DCLRE1C: variants seen among roughly 807,000 people sequenced by gnomAD.
DCLRE1C encodes the protein DNA cross-link repair 1C, also known as protein artemis.
In DCLRE1C, 47 loss-of-function variants were observed where a neutral mutation model predicts 61.4. The ratio of observed to expected loss-of-function variants is 0.77; its 90% CI spans 0.61 to 0.98. DCLRE1C has a LOEUF of 0.98. Ranked by LOEUF, DCLRE1C falls within the 50% of genes least tolerant of loss-of-function variation. The pLI, the probability that DCLRE1C is intolerant of heterozygous loss-of-function variation, is 0.00. For missense variants in DCLRE1C, 858 were observed against 816.0 expected, an observed-to-expected ratio of 1.05 and a Z score of -0.63; for synonymous variants, 337 against 287.6, an observed-to-expected ratio of 1.17 and a Z score of -1.74.
At chr10:14,953,072 C>G (rs918382970) in intron 1 of DCLRE1C, among the ~76,000 whole-genome samples, 1 of 152,240 alleles carries the variant, frequency 6.6e-6, no homozygotes, top group African/African-American at 2.4e-5. Flanking sequence ...GGCCACACAG[C>G]AGGAGGCAGC....
chr10:14,909,639 T>C (rs917533614), intron 13 of DCLRE1C, among the ~76,000 whole-genome samples: 1 of 151,948 alleles, frequency 6.6e-6, no homozygotes, highest in African/African-American at 2.4e-5. Context: ...CTGTATCTCA[T>C]TCCAGACCTA....
intron 12 of DCLRE1C, among the ~76,000 whole-genome samples, chr10:14,922,534 C>T (rs1460076779): frequency 6.6e-6 from 1 of 151,970 alleles, no homozygotes; most frequent in African/African-American, 2.4e-5. Context: ...TCCATGAATA[C>T]GATTGCACCT....
intron 1 of DCLRE1C, among the ~76,000 whole-genome samples, chr10:14,953,301 C>T (rs992509293): frequency 6.6e-6 from 1 of 152,170 alleles, no homozygotes; most frequent in Non-Finnish European, 1.5e-5. Flanking sequence ...ACCTTAATCC[C>T]TAAATCGGCC....
downstream of DCLRE1C, chr10:14,899,775 A>G (rs1006084833): frequency 6.3e-6 from 9 of 1,433,942 alleles, no homozygotes; most frequent in Admixed American, 1.8e-4. Context: ...TTTAAACTAC[A>G]TATCCTTTTA....
chr10:14,954,162 G>T (rs1397402426), upstream of DCLRE1C: 1 of 1,367,266 alleles, frequency 7.3e-7, no homozygotes, highest in African/African-American at 1.4e-5. Flanking sequence ...CGGAGACCGG[G>T]GGCAAAGTCA....
chr10:14,946,154 G>A (rs752331649), intron 2 of DCLRE1C, among the ~76,000 whole-genome samples: 2 of 150,254 alleles, frequency 1.3e-5, no homozygotes, highest in Non-Finnish European at 3.0e-5. Flanking sequence ...GACTACATGC[G>A]CACCACCACG....
intron 9 of DCLRE1C, among the ~76,000 whole-genome samples, chr10:14,929,944 G>C (rs1420909491): frequency 6.6e-6 from 1 of 152,168 alleles, no homozygotes; most frequent in African/African-American, 2.4e-5. Flanking sequence ...TAAGCGGCTA[G>C]AAATAGCATC....
chr10:14,900,665 T>G (rs1588861474), downstream of DCLRE1C, among the ~76,000 whole-genome samples: 1 of 152,196 alleles, frequency 6.6e-6, no homozygotes, highest in African/African-American at 2.4e-5. Flanking sequence ...ATTGAAGAGT[T>G]TGGACCAAAA....
At chr10:14,945,365 A>C in intron 2 of DCLRE1C, 176 bp from the exon 3 acceptor site, 4 of 1,356,766 alleles carry the variant, frequency 2.9e-6, no homozygotes, top group Non-Finnish European at 3.8e-6. Context: ...TATGAAATCT[A>C]TTTCATCATA....
chr10:14,932,030 C>G (rs957380826), intron 9 of DCLRE1C, among the ~76,000 whole-genome samples: 1 of 150,896 alleles, frequency 6.6e-6, no homozygotes, highest in Non-Finnish European at 1.5e-5. Context: ...CAAGGCTCGT[C>G]TCAAAAATAA....
rs1352005289 is a variant in DCLRE1C, at chr10:14,906,873, T to C, written c.*1535A>G. ...GACTCACAGAATAACACATATACTT[T>C]AGTTTTTTTTAATTTATTTTTCTTG... On this transcript the variant is annotated 3_prime_UTR_variant, in exon 14 of 14. Transcript: ENST00000378278. 6.6e-6 allele frequency among the ~76,000 whole-genome samples: 1 copy of C among 152,196 alleles called. No homozygotes were observed. The highest frequency in any genetic ancestry group is 2.4e-5 in the African/African-American group (1 of 41,450).
chr10:14,909,745 A>C (rs1200895949), intron 13 of DCLRE1C, among the ~76,000 whole-genome samples: 2 of 152,246 alleles, frequency 1.3e-5, no homozygotes, highest in African/African-American at 4.8e-5. Context: ...TGTGCTCTGC[A>C]AATAGTAGAT....
At chr10:14,931,258 T>C (rs949327772) in intron 9 of DCLRE1C, among the ~76,000 whole-genome samples, 5 of 152,198 alleles carry the variant, frequency 3.3e-5, no homozygotes, top group African/African-American at 9.6e-5. Flanking sequence ...AGGTTCTGTG[T>C]TGGCATTAGA....
chr10:14,939,989 C>A (rs1480342084), intron 3 of DCLRE1C, 120 bp from the exon 4 acceptor site: 9 of 706,136 alleles, frequency 1.3e-5, no homozygotes, highest in African/African-American at 9.0e-5. Flanking sequence ...ATAAACAATT[C>A]CGATTACATT....
chr10:14,929,049 G>A (rs535207238), intron 9 of DCLRE1C, among the ~76,000 whole-genome samples: 1 of 152,242 alleles, frequency 6.6e-6, no homozygotes, highest in African/African-American at 2.4e-5. Flanking sequence ...TAAACTGTTG[G>A]AATTACAGGC....
intron 2 of DCLRE1C, among the ~76,000 whole-genome samples, chr10:14,946,726 T>C (rs996688651): frequency 1.3e-5 from 2 of 151,890 alleles, no homozygotes; most frequent in African/African-American, 4.8e-5. Context: ...CAAGCTATCC[T>C]CCCACATCAG....
chr10:14,919,196 C>T (rs950900944), intron 13 of DCLRE1C, among the ~76,000 whole-genome samples: 14 of 152,156 alleles, frequency 9.2e-5, no homozygotes, highest in African/African-American at 2.9e-4. Context: ...GAGCTTTGCT[C>T]AGAATCTAAC....
Position 14,945,762 on chromosome 10 carries a change from G to A in DCLRE1C, c.162-573C>T, listed in dbSNP as rs186292058. Reference sequence around the variant, plus strand: ...CAAACTCCACTTCCCAGGTTCAAGCGATTCTCCTGCCTCAGCCTCCCGAGT... The same window carrying A: ...CAAACTCCACTTCCCAGGTTCAAGCAATTCTCCTGCCTCAGCCTCCCGAGT... On this transcript the variant is annotated intron_variant, in intron 2 of 13. Transcript: ENST00000378278. Among the ~76,000 whole-genome samples the A allele has an allele frequency of 6.5e-4, 94 of 145,380 alleles. 1 individual carries two copies. The highest frequency in any genetic ancestry group is 6.4e-3 in the Admixed American group (89 of 13,934).
At chr10:14,916,010 C>A (rs1263733036) in intron 13 of DCLRE1C, among the ~76,000 whole-genome samples, 1 of 152,166 alleles carries the variant, frequency 6.6e-6, no homozygotes, top group Non-Finnish European at 1.5e-5. Context: ...ATATGATCAT[C>A]TCAACAAATA....
Sources: allele counts gnomAD v4.1 joint callset (sites outside exome capture counted in the v4.1 genomes callset), GRCh38; gene constraint gnomAD v4.1.1; transcripts MANE v1.5; gene names NCBI Gene and HGNC (gene_info 2026-07-23, HGNC 2026-07-21).